Variants in SNTG1 observed in about 807,000 individuals in gnomAD.
The protein encoded by SNTG1 is syntrophin gamma 1.
A neutral mutation model predicts 74.7 loss-of-function variants in SNTG1; 39 were observed. That is an observed-to-expected ratio of 0.52 (90% CI 0.40 to 0.68). The LOEUF (loss-of-function observed/expected upper bound fraction) is 0.68. SNTG1 is among the 30% of genes least tolerant of loss of function. SNTG1 has a pLI of 0.00. For synonymous variants in SNTG1, 254 were observed against 217.1 expected (o/e 1.17, Z -1.49); for missense variants, 685 against 609.5 (o/e 1.12, Z -1.30).
intron 1 of SNTG1, among the ~76,000 whole-genome samples, chr8:50,104,477 G>A (rs1038434045): frequency 2.7e-4 from 41 of 151,832 alleles, no homozygotes; most frequent in Non-Finnish European, 4.0e-4. Flanking sequence ...TCTTGCTAGC[G>A]GTCTATCAAT....
chr8:50,259,538 A>G (rs367637406), intron 2 of SNTG1, among the ~76,000 whole-genome samples: 20 of 22,192 alleles, frequency 9.0e-4, no homozygotes, highest in Admixed American at 4.7e-3. Flanking sequence ...GAAAGAAAGA[A>G]AGAAAGAAAG....
At chr8:50,180,141 C>G (rs1247111214) in intron 2 of SNTG1, among the ~76,000 whole-genome samples, 1 of 152,060 alleles carries the variant, frequency 6.6e-6, no homozygotes, top group Non-Finnish European at 1.5e-5. Context: ...CATTGTTGAG[C>G]CTGGAGGATA....
intron 2 of SNTG1, among the ~76,000 whole-genome samples, chr8:50,389,406 C>G (rs567247288): frequency 1.3e-5 from 2 of 152,266 alleles, no homozygotes; most frequent in East Asian, 3.9e-4. Flanking sequence ...TGTTCAGTTT[C>G]TACTAAAAAT....
At chr8:50,545,847 G>C (rs2094383579) in intron 11 of SNTG1, among the ~76,000 whole-genome samples, 1 of 152,118 alleles carries the variant, frequency 6.6e-6, no homozygotes, top group Admixed American at 6.6e-5. Context: ...CAGTAGGCAA[G>C]TTTAGTGGTT....
chr8:49,938,892 C>A (rs1808422834), intron 1 of SNTG1, among the ~76,000 whole-genome samples: 4 of 151,780 alleles, frequency 2.6e-5, no homozygotes. Flanking sequence ...CATGTTGTTT[C>A]TGAAGCTTTA....
intron 2 of SNTG1, among the ~76,000 whole-genome samples, chr8:50,260,700 C>T (rs2087144176): frequency 7.5e-6 from 1 of 133,392 alleles, no homozygotes; most frequent in South Asian, 2.3e-4. Flanking sequence ...AAAAACCAGA[C>T]AATATTCAAG....
intron 18 of SNTG1, chr8:50,762,928 A>T (rs566987271): frequency 7.2e-6 from 2 of 279,598 alleles, no homozygotes; most frequent in African/African-American, 4.5e-5. Flanking sequence ...TTTTCTCCAA[A>T]ATCCACTATG....
chr8:50,471,244 A>AT (rs5891369), intron 8 of SNTG1, among the ~76,000 whole-genome samples: 111,255 of 147,466 alleles, frequency 0.75, 41,894 homozygotes, highest in Non-Finnish European at 0.8. Flanking sequence ...AAATCATATA[A>AT]TTTTTTTTTT....
chr8:49,912,345 A>G (rs1189286424), intron 1 of SNTG1, 114 bp downstream of exon 1: 1 of 152,226 alleles, frequency 6.6e-6, no homozygotes, highest in African/African-American at 2.4e-5. Context: ...GGAGACAAGC[A>G]ATTTTGTTTT....
intron 1 of SNTG1, among the ~76,000 whole-genome samples, chr8:50,123,339 A>G (rs1003973585): frequency 1.4e-5 from 2 of 142,608 alleles, no homozygotes; most frequent in Admixed American, 7.2e-5. Flanking sequence ...TGCTGGTTTC[A>G]GTGTTCCTGA....
At chr8:50,095,132 C>A (rs891137976) in intron 1 of SNTG1, among the ~76,000 whole-genome samples, 2 of 152,038 alleles carry the variant, frequency 1.3e-5, no homozygotes, top group African/African-American at 4.8e-5. Context: ...AAGACGGGAG[C>A]AATAAACGTC....
intron 15 of SNTG1, among the ~76,000 whole-genome samples, chr8:50,703,817 C>T (rs1478945822): frequency 6.6e-6 from 1 of 152,056 alleles, no homozygotes; most frequent in Non-Finnish European, 1.5e-5. Context: ...TTTTTCAGCT[C>T]CCTTATAACC....
At chr8:50,065,815 C>T (rs563344071) in intron 1 of SNTG1, among the ~76,000 whole-genome samples, 40 of 152,252 alleles carry the variant, frequency 2.6e-4, no homozygotes, top group African/African-American at 8.7e-4. Context: ...AACATAAATC[C>T]ACTACCTTCC....
At chr8:50,470,466 T>C (rs1007914604) in intron 8 of SNTG1, among the ~76,000 whole-genome samples, 6 of 152,130 alleles carry the variant, frequency 3.9e-5, no homozygotes, top group Non-Finnish European at 8.8e-5. Flanking sequence ...TTCTTCCTTC[T>C]GGTGGGTTCA....
intron 16 of SNTG1, among the ~76,000 whole-genome samples, chr8:50,705,130 T>A (rs1218295437): frequency 1.3e-5 from 2 of 152,102 alleles, no homozygotes; most frequent in African/African-American, 2.4e-5. Flanking sequence ...TTACTCACAA[T>A]GCTCTTTCCC....
chr8:50,599,507 T>C (rs2094757135), intron 13 of SNTG1, among the ~76,000 whole-genome samples: 1 of 152,070 alleles, frequency 6.6e-6, no homozygotes, highest in African/African-American at 2.4e-5. Flanking sequence ...AAAATGTCTT[T>C]CTTTTTTTGC....
At chr8:50,670,850 G>C (rs1031647713) in intron 15 of SNTG1, among the ~76,000 whole-genome samples, 5 of 149,106 alleles carry the variant, frequency 3.4e-5, no homozygotes, top group Non-Finnish European at 6.0e-5. Context: ...CAGAGATATA[G>C]ATCAATGGAA....
chr8:50,115,403 C>A (rs997443408), intron 1 of SNTG1, among the ~76,000 whole-genome samples: 2 of 151,064 alleles, frequency 1.3e-5, no homozygotes, highest in East Asian at 1.9e-4. Context: ...CCCGTCTCTA[C>A]AAAAATACAA....
At chr8:49,969,220 A>T (rs975798986) in intron 1 of SNTG1, among the ~76,000 whole-genome samples, 2 of 151,818 alleles carry the variant, frequency 1.3e-5, no homozygotes, top group African/African-American at 4.8e-5. Flanking sequence ...TTACTTTTTA[A>T]ATTTTTTTCT....
Sources: gnomAD v4.1 joint callset for allele counts (sites outside exome capture counted in the v4.1 genomes callset) on GRCh38, gnomAD v4.1.1 for gene constraint, MANE v1.5 for transcripts, NCBI Gene and HGNC (gene_info 2026-07-23, HGNC 2026-07-21) for gene names.